PARD3B: variants seen among roughly 807,000 people sequenced by gnomAD.
PARD3B encodes the protein par-3 family cell polarity regulator beta.
PARD3B carries 103 observed loss-of-function variants against 130.2 expected under a neutral mutation model. The ratio of observed to expected loss-of-function variants is 0.79; its 90% CI spans 0.67 to 0.93. The LOEUF is 0.93. Among genes scored for constraint, PARD3B ranks in the 40% least tolerant of loss-of-function variants. The pLI, the probability that PARD3B is intolerant of heterozygous loss-of-function variation, is 0.00. For missense variants in PARD3B, 1,609 were observed against 1,499.2 expected, an observed-to-expected ratio of 1.07 and a Z score of -1.21; for synonymous variants, 583 against 553.2, an observed-to-expected ratio of 1.05 and a Z score of -0.76.
At chr2:204,556,449 T>C (rs1431124004) in intron 1 of PARD3B, among the ~76,000 whole-genome samples, 1 of 152,130 alleles carries the variant, frequency 6.6e-6, no homozygotes, top group Non-Finnish European at 1.5e-5. Context: ...TTTGCTTTAG[T>C]GGTATGTTTG....
intron 4 of PARD3B, 142 bp from the exon 5 acceptor site, chr2:205,104,284 C>A: frequency 1.6e-6 from 1 of 608,456 alleles, no homozygotes; most frequent in Non-Finnish European, 2.9e-6. Context: ...AGATTAACAC[C>A]TGCTTCCAGT....
Position 205,142,846 on chromosome 2 carries a change from C to T in PARD3B, c.1435-15876C>T, listed in dbSNP as rs775175925. ...TGAGCCGAGATCACGCCATTGCACT[C>T]CAGCCTGGGTGACAGGATGAGACTT... On this transcript the variant is annotated intron_variant, in intron 10 of 22. Coordinates refer to ENST00000406610, the MANE Select transcript of PARD3B (RefSeq NM_001302769.2). This position sits in a 1 kb window ranked among gnomAD's most constrained non-coding sequence, Gnocchi z 4.3. 3.3e-5 allele frequency among the ~76,000 whole-genome samples: 5 copies of T among 151,654 alleles called. No homozygotes were observed. Among genetic ancestry groups the T allele is most frequent in the African/African-American group, 4.8e-5 (2 of 41,244 alleles).
chr2:204,690,560 G>A lies in PARD3B; in HGVS notation c.222+4278G>A, dbSNP rs556893697. Among the ~76,000 whole-genome samples the A allele has an allele frequency of 1.7e-4, 26 of 152,168 alleles. 1 individual carries two copies. The South Asian group carries it at 2.1e-3, about 12-fold the overall frequency. ...TGAAGATGGAGAAGGTGCCACCAGC[G>A]AAGAATGTAGCTGGCCTCTGACATT... On this transcript the variant is annotated intron_variant, in intron 2 of 22. Coordinates refer to ENST00000406610, the MANE Select transcript of PARD3B (RefSeq NM_001302769.2).
At chr2:204,661,897 A>G (rs2035823777) in intron 1 of PARD3B, among the ~76,000 whole-genome samples, 2 of 152,176 alleles carry the variant, frequency 1.3e-5, no homozygotes, top group South Asian at 2.1e-4. Flanking sequence ...TGGTTTATGT[A>G]GAAACTGGGC....
intron 1 of PARD3B, among the ~76,000 whole-genome samples, chr2:204,550,759 A>G (rs919385152): frequency 2.0e-5 from 3 of 152,210 alleles, no homozygotes; most frequent in African/African-American, 7.2e-5. Context: ...TAGACTAACA[A>G]TTCCATTCCC....
intron 2 of PARD3B, among the ~76,000 whole-genome samples, chr2:204,914,787 C>T (rs957567599): frequency 2.6e-5 from 4 of 152,134 alleles, no homozygotes; most frequent in African/African-American, 9.7e-5. Flanking sequence ...GAATGAATTT[C>T]CAGCAGGACT....
chr2:204,560,171 A>G (rs1278792887), intron 1 of PARD3B, among the ~76,000 whole-genome samples: 1 of 152,218 alleles, frequency 6.6e-6, no homozygotes, highest in Non-Finnish European at 1.5e-5. Flanking sequence ...CATGTACCCT[A>G]GAACTTAAAA....
intron 2 of PARD3B, among the ~76,000 whole-genome samples, chr2:204,744,096 C>T (rs1051319056): frequency 2.6e-5 from 4 of 152,142 alleles, no homozygotes; most frequent in Non-Finnish European, 4.4e-5. Context: ...GTTCTTTTCT[C>T]AACTCTCAAT....
Position 205,499,969 on chromosome 2 carries a change from G to T in PARD3B, c.3118G>T (p.Gly1040Cys). The T allele has an allele frequency of 6.2e-7, 1 of 1,613,846 alleles. No homozygotes were observed. Among genetic ancestry groups the T allele is most frequent in the Non-Finnish European group, 8.5e-7 (1 of 1,179,772 alleles). The change falls in exon 21 of 23, where the codon GGT (glycine) becomes TGT (cysteine). Residue 1040 changes from glycine (G) to cysteine (C), a missense_variant. Gly to Cys is a radical substitution (Grantham distance 159). Transcript: ENST00000406610. ...AGAGTATTATCAGGCTCGGAGGGAA[G>T]GTTTCCCTTTATATGAAGACGACGA... is the stretch of plus-strand genomic sequence containing the variant. Reference protein sequence around the residue: ...RKEYYQARREGFPLYEDDEGR... With the variant: ...RKEYYQARRECFPLYEDDEGR...
intron 1 of PARD3B, among the ~76,000 whole-genome samples, chr2:204,624,295 C>G (rs1237380598): frequency 6.6e-6 from 1 of 152,052 alleles, no homozygotes; most frequent in South Asian, 2.1e-4. Flanking sequence ...GAAATATAAT[C>G]TCACACCAAG....
intron 1 of PARD3B, among the ~76,000 whole-genome samples, chr2:204,684,348 G>A (rs573816325): frequency 6.6e-6 from 1 of 152,222 alleles, no homozygotes; most frequent in South Asian, 2.1e-4. Flanking sequence ...CATCTACAGA[G>A]CTAGGTAATA....
At chr2:205,437,891 A>G (rs575445226) in intron 19 of PARD3B, among the ~76,000 whole-genome samples, 24 of 151,722 alleles carry the variant, frequency 1.6e-4, no homozygotes, top group African/African-American at 5.8e-4. Flanking sequence ...GTGGTAAGGA[A>G]ACCTCTAAGT....
Position 205,232,677 on chromosome 2 carries a change from T to A in PARD3B, c.2141-13101T>A, listed in dbSNP as rs116531590. 6.4e-3 allele frequency among the ~76,000 whole-genome samples: 978 copies of A among 152,270 alleles called. 13 individuals are homozygous for A. Among genetic ancestry groups the A allele is most frequent in the African/African-American group, 0.022 (922 of 41,556 alleles). ...CATTCAAAAGCCAAAGGAAAATTGATCATATTAAGTATAGCTATGGAAGAT... is the reference window on the plus strand; with the variant it reads ...CATTCAAAAGCCAAAGGAAAATTGAACATATTAAGTATAGCTATGGAAGAT... On this transcript the variant is annotated intron_variant, in intron 15 of 22. Coordinates refer to ENST00000406610, the MANE Select transcript of PARD3B (RefSeq NM_001302769.2).
At chr2:205,182,256 C>T (rs941871248) in intron 13 of PARD3B, among the ~76,000 whole-genome samples, 4 of 151,436 alleles carry the variant, frequency 2.6e-5, no homozygotes, top group African/African-American at 7.3e-5. Flanking sequence ...CGCACCACTG[C>T]ACTCCAGCCT....
At chr2:204,954,105 C>T (rs1690035543) in intron 2 of PARD3B, among the ~76,000 whole-genome samples, 2 of 152,058 alleles carry the variant, frequency 1.3e-5, no homozygotes, top group Non-Finnish European at 2.9e-5. Context: ...TTTAGATGCT[C>T]CCAAAGTCAG....
At chr2:204,657,144 A>G (rs1479330022) in intron 1 of PARD3B, among the ~76,000 whole-genome samples, 2 of 152,212 alleles carry the variant, frequency 1.3e-5, no homozygotes, top group Admixed American at 1.3e-4. Flanking sequence ...CTTCACAGGA[A>G]CATAGCAAGA....
At chr2:204,810,118 T>G (rs958266471) in intron 2 of PARD3B, among the ~76,000 whole-genome samples, 2 of 152,126 alleles carry the variant, frequency 1.3e-5, no homozygotes, top group African/African-American at 4.8e-5. Flanking sequence ...TTGGTGAATT[T>G]GTTTATCAGC....
At chr2:205,487,152 G>A (rs1043269355) in intron 20 of PARD3B, among the ~76,000 whole-genome samples, 2 of 152,158 alleles carry the variant, frequency 1.3e-5, no homozygotes, top group South Asian at 2.1e-4. Flanking sequence ...TCCTTTAACA[G>A]TAGAAAAGTA....
At chr2:205,077,247 A>G (rs368527592) in intron 4 of PARD3B, among the ~76,000 whole-genome samples, 8 of 152,324 alleles carry the variant, frequency 5.3e-5, no homozygotes, top group African/African-American at 1.7e-4. Context: ...AAGATCAGGG[A>G]CTTGGCTTCC....
Sources: allele counts gnomAD v4.1 joint callset (sites outside exome capture counted in the v4.1 genomes callset), GRCh38; gene constraint gnomAD v4.1.1; non-coding constraint Gnocchi (gnomAD v3.1); transcripts MANE v1.5; gene names NCBI Gene and HGNC (gene_info 2026-07-23, HGNC 2026-07-21).